The following SPOCK1 variants were observed in gnomAD, a reference collection of about 807,000 sequenced individuals.
SPOCK1 encodes the protein SPARC (osteonectin), cwcv and kazal like domains proteoglycan 1, also known as testican-1.
A neutral mutation model predicts 55.3 loss-of-function variants in SPOCK1; 23 were observed. That is an observed-to-expected ratio of 0.42 (90% CI 0.30 to 0.59). The LOEUF is 0.59. SPOCK1 is among the 20% of genes least tolerant of loss of function. The probability of loss-of-function intolerance (pLI) is 0.22; values close to 1 mark genes in which losing one functional copy is unlikely to be tolerated. For synonymous variants in SPOCK1, 226 were observed against 221.0 expected (o/e 1.02, Z -0.20); for missense variants, 499 against 552.5 (o/e 0.90, Z 0.97).
In SPOCK1 at chr5:137,095,885, A is replaced by G. The variant is rs943509270; in HGVS notation, c.474+16550T>C. Among the ~76,000 whole-genome samples, 5 of 147,698 alleles carry G rather than the reference A, an allele frequency of 3.4e-5. No individual in the cohort carries two copies. In the East Asian group the frequency reaches 8.2e-4, roughly 24 times the overall value. ...ATCTACAAAACATGCAATCAAGAAA[A>G]CCTGTGAGCTGTGAAAACCAAGTAA... is the stretch of plus-strand genomic sequence containing the variant. On this transcript the variant is annotated intron_variant, in intron 5 of 10. Coordinates refer to ENST00000394945, the MANE Select transcript of SPOCK1 (RefSeq NM_004598.4).
intron 7 of SPOCK1, 29 bp from the exon 8 acceptor site, chr5:136,988,672 C>A: frequency 6.3e-7 from 1 of 1,590,216 alleles, no homozygotes; most frequent in Non-Finnish European, 8.6e-7. Flanking sequence ...ATCTCAGCTG[C>A]CACCAAGCCT....
intron 5 of SPOCK1, among the ~76,000 whole-genome samples, chr5:137,074,939 G>A (rs1311073871): frequency 2.0e-5 from 3 of 152,086 alleles, no homozygotes; most frequent in African/African-American, 7.2e-5. Flanking sequence ...TCCTGACCTC[G>A]TGATCAGCCC....
At chr5:137,292,994 C>T (rs1757402396) in intron 2 of SPOCK1, among the ~76,000 whole-genome samples, 1 of 151,580 alleles carries the variant, frequency 6.6e-6, no homozygotes, top group Admixed American at 6.6e-5. Flanking sequence ...ACTAGGGTCA[C>T]TAGTAATCCC....
At chr5:136,998,409 T>C (rs758430775) in intron 6 of SPOCK1, among the ~76,000 whole-genome samples, 2 of 152,212 alleles carry the variant, frequency 1.3e-5, no homozygotes, top group Non-Finnish European at 2.9e-5. Flanking sequence ...ATATTTTAAA[T>C]GAATGAACAA....
chr5:137,145,928 G>A (rs975247974), intron 3 of SPOCK1, among the ~76,000 whole-genome samples: 3 of 152,296 alleles, frequency 2.0e-5, no homozygotes, highest in East Asian at 1.9e-4. Flanking sequence ...GGAGCAAGCC[G>A]GTGAGTAAAA....
intron 2 of SPOCK1, among the ~76,000 whole-genome samples, chr5:137,398,964 C>T (rs538359555): frequency 2.6e-5 from 4 of 152,106 alleles, no homozygotes; most frequent in Non-Finnish European, 2.9e-5. Flanking sequence ...CTAGGGAGAA[C>T]TGAAGAGGGC....
intron 2 of SPOCK1, among the ~76,000 whole-genome samples, chr5:137,331,971 C>A (rs759563309): frequency 4.6e-5 from 7 of 152,156 alleles, no homozygotes; most frequent in Non-Finnish European, 8.8e-5. Context: ...TTTACAGATT[C>A]AAGTTCTACT....
At chr5:137,061,371 G>A (rs767535644) in intron 6 of SPOCK1, among the ~76,000 whole-genome samples, 4 of 152,142 alleles carry the variant, frequency 2.6e-5, no homozygotes, top group South Asian at 2.1e-4. Context: ...TTGGACAACC[G>A]TCTGTCAACC....
At chr5:137,425,563 C>G (rs1300018039) in intron 2 of SPOCK1, among the ~76,000 whole-genome samples, 1 of 152,180 alleles carries the variant, frequency 6.6e-6, no homozygotes, top group Non-Finnish European at 1.5e-5. Flanking sequence ...CTGAAGCTTG[C>G]CCAGATATCT....
chr5:137,428,525 T>C (rs1225697820), intron 2 of SPOCK1, among the ~76,000 whole-genome samples: 1 of 152,210 alleles, frequency 6.6e-6, no homozygotes, highest in Non-Finnish European at 1.5e-5. Context: ...ACTGTTTGTG[T>C]CAACCATTTT....
intron 3 of SPOCK1, among the ~76,000 whole-genome samples, chr5:137,240,069 A>C (rs1404302916): frequency 1.3e-5 from 2 of 152,352 alleles, no homozygotes; most frequent in East Asian, 3.9e-4. Context: ...AGTACATATG[A>C]AATAAAATAC....
At chr5:137,454,430 ATC>A (rs1183197847) in intron 2 of SPOCK1, among the ~76,000 whole-genome samples, 1 of 152,166 alleles carries the variant, frequency 6.6e-6, no homozygotes, top group African/African-American at 2.4e-5. Context: ...AGCATTTAAA[ATC>A]TCTTTTACAT....
At chr5:137,308,749 C>T (rs1280143544) in intron 2 of SPOCK1, among the ~76,000 whole-genome samples, 1 of 152,096 alleles carries the variant, frequency 6.6e-6, no homozygotes, top group Non-Finnish European at 1.5e-5. Context: ...CTGATTGGAC[C>T]CTGACAGATA....
At chr5:136,989,120 C>T (rs1029531143) in intron 7 of SPOCK1, among the ~76,000 whole-genome samples, 1 of 152,198 alleles carries the variant, frequency 6.6e-6, no homozygotes, top group Non-Finnish European at 1.5e-5. Context: ...CCCAGAGGAC[C>T]TTTAAATCCA....
intron 3 of SPOCK1, among the ~76,000 whole-genome samples, chr5:137,160,126 C>T (rs1307901856): frequency 6.6e-6 from 1 of 151,560 alleles, no homozygotes; most frequent in Non-Finnish European, 1.5e-5. Flanking sequence ...CCCACTCTTC[C>T]CAAGTCCCCA....
intron 2 of SPOCK1, among the ~76,000 whole-genome samples, chr5:137,282,731 A>G (rs775791914): frequency 6.6e-6 from 1 of 152,198 alleles, no homozygotes; most frequent in Admixed American, 6.5e-5. Flanking sequence ...GGTCCCTGCC[A>G]TGAAGAGACT....
At chr5:137,254,199 T>A (rs1352004996) in intron 3 of SPOCK1, among the ~76,000 whole-genome samples, 1 of 152,200 alleles carries the variant, frequency 6.6e-6, no homozygotes, top group Non-Finnish European at 1.5e-5. Context: ...CAAGGGTATA[T>A]TTTTCTCCTA....
At chr5:137,064,152 C>T (rs888247022) in intron 6 of SPOCK1, among the ~76,000 whole-genome samples, 3 of 152,030 alleles carry the variant, frequency 2.0e-5, no homozygotes, top group Non-Finnish European at 4.4e-5. Flanking sequence ...GAACTCCATC[C>T]AAGGGGATGG....
At chr5:137,256,949 T>C (rs921484457) in intron 3 of SPOCK1, among the ~76,000 whole-genome samples, 5 of 152,204 alleles carry the variant, frequency 3.3e-5, no homozygotes, top group Non-Finnish European at 5.9e-5. Flanking sequence ...CAAAAACAAA[T>C]GTTCATTTCC....
Sources: allele counts gnomAD v4.1 joint callset (sites outside exome capture counted in the v4.1 genomes callset), GRCh38; gene constraint gnomAD v4.1.1; transcripts MANE v1.5; gene names NCBI Gene and HGNC (gene_info 2026-07-23, HGNC 2026-07-21).